The following CCDC149 variants were observed in gnomAD, a reference collection of about 807,000 sequenced individuals.
The protein encoded by CCDC149 is coiled-coil domain-containing protein 149.
A neutral mutation model predicts 59.9 loss-of-function variants in CCDC149; 45 were observed. That is an observed-to-expected ratio of 0.75 (90% CI 0.59 to 0.96). The LOEUF is 0.96. Ranked by LOEUF, CCDC149 falls within the 40% of genes least tolerant of loss-of-function variation. The probability of loss-of-function intolerance (pLI) is 0.00; values close to 1 mark genes in which losing one functional copy is unlikely to be tolerated. For synonymous variants in CCDC149, 245 were observed against 260.6 expected (o/e 0.94, Z 0.58); for missense variants, 584 against 664.7 (o/e 0.88, Z 1.33).
At chr4:24,918,806 A>G (rs972875366) in intron 1 of CCDC149, among the ~76,000 whole-genome samples, 14 of 152,162 alleles carry the variant, frequency 9.2e-5, no homozygotes, top group African/African-American at 3.4e-4. Flanking sequence ...GTGTCAGTGT[A>G]TTGGGGCAAC....
At chr4:24,881,228 T>C (rs1037503090) in intron 1 of CCDC149, among the ~76,000 whole-genome samples, 1 of 152,216 alleles carries the variant, frequency 6.6e-6, no homozygotes, top group African/African-American at 2.4e-5. Context: ...TATTCATGGC[T>C]CTTGCTAATA....
chr4:24,843,178 C>G (rs1272344902), intron 4 of CCDC149, among the ~76,000 whole-genome samples: 1 of 152,210 alleles, frequency 6.6e-6, no homozygotes, highest in Non-Finnish European at 1.5e-5. Context: ...AAAGTGCAAT[C>G]CCCAGTTACA....
At chr4:24,864,037 C>G (rs1718537619) in intron 3 of CCDC149, among the ~76,000 whole-genome samples, 1 of 152,198 alleles carries the variant, frequency 6.6e-6, no homozygotes, top group Non-Finnish European at 1.5e-5. Context: ...GCTGAGAGAT[C>G]TTTTGTCTCG....
intron 1 of CCDC149, among the ~76,000 whole-genome samples, chr4:24,963,316 G>A (rs1017118580): frequency 6.6e-6 from 1 of 152,068 alleles, no homozygotes; most frequent in African/African-American, 2.4e-5. Context: ...GCCAAAGTAG[G>A]TCGTTTTTCA....
intron 1 of CCDC149, among the ~76,000 whole-genome samples, chr4:24,958,099 A>C (rs1723519800): frequency 6.6e-6 from 1 of 152,202 alleles, no homozygotes; most frequent in Non-Finnish European, 1.5e-5. Flanking sequence ...TCACAGTGGC[A>C]GATATAGAAG....
chr4:24,853,955 A>T (rs1387278233), intron 3 of CCDC149, among the ~76,000 whole-genome samples: 1 of 152,026 alleles, frequency 6.6e-6, no homozygotes, highest in East Asian at 1.9e-4. Context: ...CTTCATTCCC[A>T]TCTTCATGAC....
At chr4:24,979,629 TC>T (rs771818820) in intron 1 of CCDC149, among the ~76,000 whole-genome samples, 6 of 152,212 alleles carry the variant, frequency 3.9e-5, no homozygotes, top group Non-Finnish European at 8.8e-5. Flanking sequence ...TTGAGCAGAT[TC>T]CCTGTGGTTT....
intron 3 of CCDC149, among the ~76,000 whole-genome samples, chr4:24,854,606 A>C (rs1183067512): frequency 6.6e-6 from 1 of 152,226 alleles, no homozygotes; most frequent in Non-Finnish European, 1.5e-5. Flanking sequence ...GGAATGGCTA[A>C]ATTTCCAAAG....
chr4:24,852,755 C>T (rs572114715), intron 4 of CCDC149, among the ~76,000 whole-genome samples: 2 of 152,122 alleles, frequency 1.3e-5, no homozygotes, highest in South Asian at 2.1e-4. Context: ...TATATAAGGG[C>T]GAAAGTATAA....
At chr4:24,855,913 T>C (rs926007229) in intron 3 of CCDC149, among the ~76,000 whole-genome samples, 3 of 152,256 alleles carry the variant, frequency 2.0e-5, no homozygotes, top group Admixed American at 2.0e-4. Context: ...GGCTGCATTC[T>C]GATCATGCCA....
intron 9 of CCDC149, 31 bp downstream of exon 9, chr4:24,831,475 C>T: frequency 6.2e-7 from 1 of 1,610,434 alleles, no homozygotes; most frequent in Non-Finnish European, 8.5e-7. Flanking sequence ...CCTTCGCGCC[C>T]ACCCCCCAAC....
In CCDC149 at chr4:24,873,600, C is replaced by A. The variant is rs530599797; in HGVS notation, c.264+81G>T. 3.2e-6 allele frequency: 3 copies of A among 930,990 alleles called. No homozygotes were observed. The East Asian group carries it at 7.2e-5, about 22-fold the overall frequency. The allele number at this position is 930,990 out of a possible 1,614,324, so 57.7% of individuals were successfully genotyped here. A position where few individuals can be genotyped will look rare whatever the true frequency, so the allele number is the denominator to read the frequency against. ...GAATTCCAGGAAATTAAAGGAAGTT[C>A]TCTACATTTTGAGATTCCCTGATCC... On this transcript the variant is annotated intron_variant, in intron 3 of 12. Transcript: ENST00000635206.
chr4:24,913,118 G>C (rs1199520818), upstream of CCDC149, among the ~76,000 whole-genome samples: 1 of 150,790 alleles, frequency 6.6e-6, no homozygotes, highest in African/African-American at 2.4e-5. Context: ...GCCCCGCCGG[G>C]CCCGCCCCGC....
chr4:24,965,013 A>G (rs1413538439), intron 1 of CCDC149, among the ~76,000 whole-genome samples: 1 of 151,310 alleles, frequency 6.6e-6, no homozygotes, highest in Non-Finnish European at 1.5e-5. Flanking sequence ...TTTCAGATAA[A>G]AGAATTTCTT....
chr4:24,937,041 C>A (rs965928607), intron 1 of CCDC149, among the ~76,000 whole-genome samples: 2 of 152,234 alleles, frequency 1.3e-5, no homozygotes, highest in Non-Finnish European at 2.9e-5. Flanking sequence ...CACAAGTGGA[C>A]CTCTTTTACA....
intron 1 of CCDC149, among the ~76,000 whole-genome samples, chr4:24,934,521 G>A (rs914685312): frequency 1.3e-5 from 2 of 152,176 alleles, no homozygotes; most frequent in Admixed American, 6.5e-5. Context: ...TACCTCTTCT[G>A]CATTCTCTTG....
At chr4:24,954,255 C>T (rs1723398251) in intron 1 of CCDC149, among the ~76,000 whole-genome samples, 1 of 152,124 alleles carries the variant, frequency 6.6e-6, no homozygotes, top group Non-Finnish European at 1.5e-5. Context: ...TTGCTGGGTA[C>T]AGCCCAGGCT....
At chr4:24,870,946 A>G (rs2109231982) in intron 3 of CCDC149, among the ~76,000 whole-genome samples, 1 of 151,608 alleles carries the variant, frequency 6.6e-6, no homozygotes, top group African/African-American at 2.4e-5. Context: ...TCGGGGGGCT[A>G]AGGCAGGAGA....
At chr4:24,905,160 A>G (rs1721399891) in intron 1 of CCDC149, among the ~76,000 whole-genome samples, 1 of 151,834 alleles carries the variant, frequency 6.6e-6, no homozygotes, top group Non-Finnish European at 1.5e-5. Context: ...TGGCCTCCCA[A>G]AGTGCTGGGA....
Sources: allele counts gnomAD v4.1 joint callset (sites outside exome capture counted in the v4.1 genomes callset), GRCh38; gene constraint gnomAD v4.1.1; transcripts MANE v1.5; gene names NCBI Gene and HGNC (gene_info 2026-07-23, HGNC 2026-07-21).